The following CNTNAP2 variants were observed in gnomAD, a reference collection of about 807,000 sequenced individuals.
CNTNAP2 encodes contactin associated protein 2, also known as contactin-associated protein-like 2.
CNTNAP2 carries 98 observed loss-of-function variants against 155.2 expected under a neutral mutation model. That is an observed-to-expected ratio of 0.63 (90% CI 0.54 to 0.75). CNTNAP2 has a LOEUF of 0.75. CNTNAP2 is among the 30% of genes least tolerant of loss of function. The probability of loss-of-function intolerance (pLI) is 0.00; values close to 1 mark genes in which losing one functional copy is unlikely to be tolerated. For missense variants in CNTNAP2, 1,727 were observed against 1,688.1 expected (o/e 1.02, Z -0.40); for synonymous variants, 651 against 631.2 (o/e 1.03, Z -0.47).
intron 1 of CNTNAP2, among the ~76,000 whole-genome samples, chr7:146,537,569 G>A (rs1401846578): frequency 6.6e-6 from 1 of 152,094 alleles, no homozygotes; most frequent in African/African-American, 2.4e-5. Context: ...GACAACACAA[G>A]AAAGGGAGGT....
At chr7:147,623,667 T>C (rs10264653) in intron 12 of CNTNAP2, among the ~76,000 whole-genome samples, 13,647 of 152,032 alleles carry the variant, frequency 0.09, 1,699 homozygotes, top group African/African-American at 0.26. Context: ...TGTTAAAATG[T>C]CCGTCCTTCC....
intron 13 of CNTNAP2, among the ~76,000 whole-genome samples, chr7:147,763,351 C>T (rs1011195765): frequency 6.7e-6 from 1 of 150,168 alleles, no homozygotes; most frequent in African/African-American, 2.4e-5. Context: ...GAGATGCAGG[C>T]TGTTTGGTGG....
chr7:146,870,214 T>C (rs76547965), intron 3 of CNTNAP2, among the ~76,000 whole-genome samples: 1 of 69,294 alleles, frequency 1.4e-5, no homozygotes, highest in East Asian at 3.5e-4. Context: ...GGTCCTGGGC[T>C]TTTTTTTTTT....
In CNTNAP2 at chr7:146,453,770, A is replaced by G. The variant is rs1584932719; in HGVS notation, c.98-320501A>G. On this transcript the variant is annotated intron_variant, in intron 1 of 23. Coordinates refer to ENST00000361727, the MANE Select transcript of CNTNAP2 (RefSeq NM_014141.6). ...TCTGATTTAACTTCTAGAGATTATA[A>G]AATGCATAGGCTGTGACTGTTGGCA... Among the ~76,000 whole-genome samples the G allele has an allele frequency of 2.6e-5, 4 of 152,314 alleles. 1 individual carries two copies. The East Asian group carries it at 7.7e-4, about 29-fold the overall frequency.
chr7:147,348,724 C>T (rs766604989), intron 9 of CNTNAP2, among the ~76,000 whole-genome samples: 1 of 151,936 alleles, frequency 6.6e-6, no homozygotes, highest in African/African-American at 2.4e-5. Context: ...TTCACAGTAA[C>T]CAAGACATGG....
intron 13 of CNTNAP2, among the ~76,000 whole-genome samples, chr7:147,902,520 C>A (rs145480861): frequency 2.4e-4 from 36 of 152,214 alleles, no homozygotes; most frequent in African/African-American, 8.4e-4. Context: ...AAGAAGTATA[C>A]ACTGAATCCA....
intron 1 of CNTNAP2, among the ~76,000 whole-genome samples, chr7:146,486,889 C>A (rs1193476898): frequency 6.6e-5 from 10 of 152,130 alleles, no homozygotes; most frequent in Admixed American, 3.3e-4. Flanking sequence ...CACCTAGATG[C>A]CAAGTGTTTT....
Position 147,119,355 on chromosome 7 carries a change from GGA to G in CNTNAP2, c.755-1622_755-1621del, listed in dbSNP as rs377525833. Among the ~76,000 whole-genome samples, 71 of 152,224 alleles carry G rather than the reference GGA, an allele frequency of 4.7e-4. 1 individual carries two copies. The South Asian group carries it at 0.014, about 30-fold the overall frequency. ...TTACATTGGAAAGCAGTTTACTGAT[GGA>G]GTTTTACTGACTGACTGGAATTTAC... is the stretch of plus-strand genomic sequence containing the variant. On this transcript the variant is annotated intron_variant, in intron 5 of 23. Coordinates refer to ENST00000361727, the MANE Select transcript of CNTNAP2 (RefSeq NM_014141.6).
At chr7:146,776,341 T>A (rs990687093) in intron 2 of CNTNAP2, among the ~76,000 whole-genome samples, 6 of 152,066 alleles carry the variant, frequency 3.9e-5, no homozygotes, top group African/African-American at 1.4e-4. Context: ...AAGAAGATGA[T>A]TTGCTCAGTA....
At chr7:146,829,007 T>G (rs1010849122) in intron 2 of CNTNAP2, among the ~76,000 whole-genome samples, 3 of 152,216 alleles carry the variant, frequency 2.0e-5, no homozygotes, top group Non-Finnish European at 4.4e-5. Context: ...AGCAACTGTT[T>G]AGCTTTTGGG....
chr7:147,283,976 G>T (rs1013997332), intron 8 of CNTNAP2, among the ~76,000 whole-genome samples: 2 of 151,434 alleles, frequency 1.3e-5, no homozygotes, highest in Admixed American at 1.3e-4. Context: ...TTCAAGTGAC[G>T]AGTCCTACAT....
At chr7:148,157,062 C>G (rs1805412785) in intron 17 of CNTNAP2, among the ~76,000 whole-genome samples, 1 of 152,178 alleles carries the variant, frequency 6.6e-6, no homozygotes, top group African/African-American at 2.4e-5. Flanking sequence ...TTCATCCTCT[C>G]CATTTACTTA....
chr7:147,423,285 ATTAAG>A (rs992744442), intron 10 of CNTNAP2, among the ~76,000 whole-genome samples: 1 of 117,238 alleles, frequency 8.5e-6, no homozygotes, highest in Non-Finnish European at 1.9e-5. Context: ...GTGTCTCTTA[ATTAAG>A]TTAGGTTAGC....
Position 146,721,859 on chromosome 7 carries a change from A to ATGTGTG in CNTNAP2, c.98-52400_98-52395dup, listed in dbSNP as rs1339848281. Among the ~76,000 whole-genome samples the ATGTGTG allele has an allele frequency of 2.9e-3, 269 of 92,632 alleles. 16 individuals are homozygous for ATGTGTG. The highest frequency in any genetic ancestry group is 0.016 in the African/African-American group (144 of 9,030). 60.8% of individuals were successfully genotyped at this position (92,632 alleles called of 152,430 possible). A position where few individuals can be genotyped will look rare whatever the true frequency, so the allele number is the denominator to read the frequency against. On this transcript the variant is annotated intron_variant, in intron 1 of 23. Coordinates refer to ENST00000361727, the MANE Select transcript of CNTNAP2 (RefSeq NM_014141.6). ...GTCTATATATATATTCTACATTTAT[A>ATGTGTG]TGTGTGTGTGTGTGTGTATATATAT...
chr7:147,515,559 G>A (rs1428168941), intron 11 of CNTNAP2, among the ~76,000 whole-genome samples: 1 of 152,018 alleles, frequency 6.6e-6, no homozygotes, highest in East Asian at 1.9e-4. Context: ...TTGACCTCGT[G>A]ATCTGCCCAC....
chr7:147,198,053 A>G (rs899157730), intron 8 of CNTNAP2, among the ~76,000 whole-genome samples: 8 of 152,086 alleles, frequency 5.3e-5, no homozygotes, highest in African/African-American at 1.7e-4. Context: ...ATGCCTAAAG[A>G]CAAATGAAAA....
At chr7:148,176,676 A>G (rs923878619) in intron 18 of CNTNAP2, among the ~76,000 whole-genome samples, 1 of 152,190 alleles carries the variant, frequency 6.6e-6, no homozygotes, top group African/African-American at 2.4e-5. Context: ...CAACTAGACC[A>G]TGCAGGCAGT....
intron 1 of CNTNAP2, among the ~76,000 whole-genome samples, chr7:146,318,157 T>C (rs535152366): frequency 2.0e-4 from 30 of 150,998 alleles, no homozygotes; most frequent in African/African-American, 7.1e-4. Context: ...AAAAAAAAGA[T>C]GAAATTAACA....
intron 11 of CNTNAP2, among the ~76,000 whole-genome samples, chr7:147,560,727 CTA>C: frequency 6.6e-6 from 1 of 151,140 alleles, no homozygotes; most frequent in East Asian, 1.9e-4. Flanking sequence ...TCCTCAATAA[CTA>C]TGTGCAAAGG....
Sources: allele counts gnomAD v4.1 joint callset (sites outside exome capture counted in the v4.1 genomes callset), GRCh38; gene constraint gnomAD v4.1.1; transcripts MANE v1.5; gene names NCBI Gene and HGNC (gene_info 2026-07-23, HGNC 2026-07-21).